TNIK: variants seen among roughly 807,000 people sequenced by gnomAD.
TNIK encodes the protein TRAF2 and NCK interacting kinase, also known as TRAF2 and NCK-interacting protein kinase.
TNIK carries 49 observed loss-of-function variants against 191.3 expected under a neutral mutation model. The observed-to-expected ratio is 0.26, with a 90% confidence interval of 0.20 to 0.32. The LOEUF (loss-of-function observed/expected upper bound fraction) is 0.32. Ranked by LOEUF, TNIK falls within the 10% of genes least tolerant of loss-of-function variation. The pLI is 1.00. For synonymous variants in TNIK, 594 were observed against 600.9 expected (o/e 0.99, Z 0.17); for missense variants, 1,155 against 1,702.3 (o/e 0.68, Z 5.66).
At chr3:171,335,208 C>G (rs1756841514) in intron 2 of TNIK, among the ~76,000 whole-genome samples, 1 of 152,096 alleles carries the variant, frequency 6.6e-6, no homozygotes, top group Non-Finnish European at 1.5e-5. Flanking sequence ...TGTTTGCGTG[C>G]AAGAAAATTT....
At chr3:171,231,463 C>A (rs924180232) in intron 2 of TNIK, among the ~76,000 whole-genome samples, 1 of 152,062 alleles carries the variant, frequency 6.6e-6, no homozygotes, top group African/African-American at 2.4e-5. Context: ...AAAAATACAC[C>A]TTGGGATGGC....
intron 15 of TNIK, among the ~76,000 whole-genome samples, chr3:171,133,859 A>G (rs977879886): frequency 6.6e-6 from 1 of 152,226 alleles, no homozygotes; most frequent in African/African-American, 2.4e-5. Flanking sequence ...AATGGAAATA[A>G]AGAGATATTT....
chr3:171,172,921 C>T (rs115421078), intron 9 of TNIK, among the ~76,000 whole-genome samples: 155 of 152,304 alleles, frequency 1.0e-3, no homozygotes, highest in African/African-American at 3.6e-3. Flanking sequence ...AAAAATCAGA[C>T]TGCATTGTCC....
At chr3:171,280,869 A>G (rs531160275) in intron 2 of TNIK, among the ~76,000 whole-genome samples, 1 of 152,182 alleles carries the variant, frequency 6.6e-6, no homozygotes, top group Non-Finnish European at 1.5e-5. Context: ...CTCTATTACT[A>G]TATGTTACTA....
At chr3:171,344,282 T>C (rs1226518143) in intron 2 of TNIK, among the ~76,000 whole-genome samples, 6 of 152,168 alleles carry the variant, frequency 3.9e-5, no homozygotes, top group Non-Finnish European at 8.8e-5. Context: ...GATTTGACCT[T>C]GAGATTGCTT....
At chr3:171,398,762 A>G (rs1477752399) in intron 1 of TNIK, among the ~76,000 whole-genome samples, 1 of 152,212 alleles carries the variant, frequency 6.6e-6, no homozygotes, top group Non-Finnish European at 1.5e-5. Context: ...GAGTGTATTC[A>G]TGGTTCCTTT....
rs1729275455 is a variant in TNIK, at chr3:171,459,993, A to G, written c.57+14T>C. ...CCAAACCACTGGAAAGAAACCAGAA[A>G]ACGTCCTGCTCACCCTCAGAGCCGA... On this transcript the variant is annotated intron_variant, in intron 1 of 32. Transcript: ENST00000436636. 5.6e-6 allele frequency: 9 copies of G among 1,606,626 alleles called. No homozygotes were observed. Among genetic ancestry groups the G allele is most frequent in the Non-Finnish European group, 7.6e-6 (9 of 1,176,552 alleles).
intron 9 of TNIK, among the ~76,000 whole-genome samples, chr3:171,173,172 CAGG>C (rs1735536975): frequency 6.7e-6 from 1 of 148,920 alleles, no homozygotes; most frequent in Non-Finnish European, 1.5e-5. Flanking sequence ...ATCATGAGGT[CAGG>C]AGATCAAGAC....
intron 12 of TNIK, among the ~76,000 whole-genome samples, chr3:171,148,388 G>A (rs1343755428): frequency 2.0e-5 from 3 of 152,204 alleles, no homozygotes; most frequent in Non-Finnish European, 4.4e-5. Context: ...GTGTCTCTGA[G>A]CCTCAGTTTC....
At chr3:171,347,358 CTGCAG>C in intron 2 of TNIK, 7 of 788,312 alleles carry the variant, frequency 8.9e-6, no homozygotes, top group Non-Finnish European at 1.4e-5. Context: ...TCCTAAGTGC[CTGCAG>C]AGCTGGCCCT....
At chr3:171,302,039 C>T (rs1275600045) in intron 2 of TNIK, among the ~76,000 whole-genome samples, 1 of 152,196 alleles carries the variant, frequency 6.6e-6, no homozygotes. Flanking sequence ...GATGCAAAGC[C>T]TACCAGTGTA....
chr3:171,126,720 A>G (rs7624967), intron 16 of TNIK, among the ~76,000 whole-genome samples: 18,924 of 152,238 alleles, frequency 0.12, 1,718 homozygotes, highest in African/African-American at 0.25. Flanking sequence ...TTCTACACCC[A>G]TAGCTCATAA....
intron 1 of TNIK, among the ~76,000 whole-genome samples, chr3:171,369,916 A>G: frequency 6.6e-6 from 1 of 152,182 alleles, no homozygotes; most frequent in South Asian, 2.1e-4. Flanking sequence ...AATGTGTTTA[A>G]ATCAGGCAAA....
intron 1 of TNIK, among the ~76,000 whole-genome samples, chr3:171,446,228 GATA>G (rs1727473920): frequency 6.6e-6 from 1 of 152,170 alleles, no homozygotes; most frequent in Non-Finnish European, 1.5e-5. Context: ...TATTTAATTA[GATA>G]ATGTTTGCAA....
At chr3:171,378,163 A>T (rs1231159310) in intron 1 of TNIK, among the ~76,000 whole-genome samples, 1 of 152,210 alleles carries the variant, frequency 6.6e-6, no homozygotes, top group African/African-American at 2.4e-5. Context: ...AGGCTCTCAG[A>T]TTTCTATCTA....
At chr3:171,180,990 G>T (rs981927412) in intron 7 of TNIK, among the ~76,000 whole-genome samples, 1 of 152,162 alleles carries the variant, frequency 6.6e-6, no homozygotes, top group African/African-American at 2.4e-5. Flanking sequence ...AACATGGATT[G>T]GTAGAAAGAA....
chr3:171,205,328 G>T (rs549626180), intron 4 of TNIK, among the ~76,000 whole-genome samples: 1 of 152,220 alleles, frequency 6.6e-6, no homozygotes, highest in Admixed American at 6.5e-5. Flanking sequence ...CTTCATCTTT[G>T]GTAAGAAAGA....
chr3:171,448,576 T>A (rs1727797161), intron 1 of TNIK, among the ~76,000 whole-genome samples: 1 of 151,702 alleles, frequency 6.6e-6, no homozygotes, highest in African/African-American at 2.4e-5. Context: ...ACACTTTTTT[T>A]TTTTTTTTTT....
chr3:171,117,836 G>T (rs144860490), intron 18 of TNIK, among the ~76,000 whole-genome samples: 142 of 152,240 alleles, frequency 9.3e-4, no homozygotes, highest in South Asian at 2.1e-3. Flanking sequence ...TGGGCTTGGT[G>T]GTGGGCCCCT....
Sources: allele counts gnomAD v4.1 joint callset (sites outside exome capture counted in the v4.1 genomes callset), GRCh38; gene constraint gnomAD v4.1.1; transcripts MANE v1.5; gene names NCBI Gene and HGNC (gene_info 2026-07-23, HGNC 2026-07-21).